SHCBP1L: variants seen among roughly 807,000 people sequenced by gnomAD.
The protein encoded by SHCBP1L is SHC binding and spindle associated 1 like.
SHCBP1L carries 67 observed loss-of-function variants against 62.5 expected under a neutral mutation model. The ratio of observed to expected loss-of-function variants is 1.07; its 90% confidence interval spans 0.88 to 1.31. SHCBP1L has a LOEUF of 1.31. SHCBP1L is among the 40% of genes most tolerant of loss of function. SHCBP1L has a pLI of 0.00. For synonymous variants in SHCBP1L, 284 were observed against 289.4 expected (o/e 0.98, Z 0.19); for missense variants, 823 against 809.8 (o/e 1.02, Z -0.20).
chr1:182,940,439 A>T lies in SHCBP1L; in HGVS notation c.660T>A (p.Val220=). Residue 220 remains valine, a synonymous_variant, in exon 3 of 10, where the codon GTT becomes GTA. Coordinates refer to ENST00000367547, the MANE Select transcript of SHCBP1L (RefSeq NM_030933.4). ...GTTCCAGTTCCTCCAAAATCTCATC[A>T]ACCAAATCTCTTGGAATATTTGCAA... is the stretch of plus-strand genomic sequence containing the variant. ...SNIANIPRDL[V]DEILEELEHS... 1.2e-6 allele frequency: 2 copies of T among 1,614,028 alleles called. No individual in the cohort carries two copies. The highest frequency in any genetic ancestry group is 2.2e-5 in the South Asian group (2 of 91,084).
intron 6 of SHCBP1L, among the ~76,000 whole-genome samples, chr1:182,928,501 A>C (rs1460396085): frequency 6.6e-6 from 1 of 152,202 alleles, no homozygotes; most frequent in Non-Finnish European, 1.5e-5. Flanking sequence ...AAGGTTGAGA[A>C]GGCCTTTTCC....
chr1:182,917,797 C>T (rs10911158), intron 6 of SHCBP1L, among the ~76,000 whole-genome samples: 1,811 of 152,154 alleles, frequency 0.012, 31 homozygotes, highest in African/African-American at 0.037. Context: ...TCTCTTTAAA[C>T]ACTTGCTCTC....
chr1:182,939,229 A>G lies in SHCBP1L; in HGVS notation c.1023T>C (p.Tyr341=). ...AEAVECWKKY[Y]EIVMLCGLLK... is the part of the protein sequence containing the mutation. ...GTAATCCACAGAGCATGACTATCTC[A>G]TAGTATTTTTTCCAGCATTCAACAG... is the stretch of plus-strand genomic sequence containing the variant. The change falls in exon 5 of 10, where the codon TAT becomes TAC. Residue 341 remains tyrosine (Y), a synonymous_variant. Transcript: ENST00000367547. 1.2e-6 allele frequency: 2 copies of G among 1,613,440 alleles called. No homozygotes were observed. The highest frequency in any genetic ancestry group is 2.2e-5 in the South Asian group (2 of 91,070).
chr1:182,903,149 C>T lies in SHCBP1L; in HGVS notation c.1600G>A (p.Glu534Lys), dbSNP rs745736171. Residue 534 changes from glutamate to lysine, a missense_variant, in exon 9 of 10, where the codon GAA becomes AAA. Glu to Lys is a moderately conservative substitution (Grantham distance 56). Coordinates refer to ENST00000367547, the MANE Select transcript of SHCBP1L (RefSeq NM_030933.4). ...ATAGCTATGCTTCCAGGATACAGTT[C>T]AACACCAGCACCCTGTAAATTAAAA... ...EITGAQGAGV[E>K]LYPGSIAILE... 6.3e-7 allele frequency: 1 copy of T among 1,589,222 alleles called. No individual in the cohort carries two copies. The highest frequency in any genetic ancestry group is 1.2e-5 in the South Asian group (1 of 86,384).
intron 9 of SHCBP1L, among the ~76,000 whole-genome samples, chr1:182,902,061 CTTTTTTTTT>C (rs1156301250): frequency 2.4e-5 from 3 of 127,576 alleles, no homozygotes; most frequent in Non-Finnish European, 5.0e-5. Context: ...CTTTTTTTTT[CTTTTTTTTT>C]TTTTTTTTGA....
At chr1:182,901,648 G>A (rs77907151) in intron 9 of SHCBP1L, among the ~76,000 whole-genome samples, 2,175 of 152,242 alleles carry the variant, frequency 0.014, 58 homozygotes, top group African/African-American at 0.05. Flanking sequence ...AAATTTTAAC[G>A]TATGTATATA....
intron 2 of SHCBP1L, among the ~76,000 whole-genome samples, chr1:182,946,406 CTT>C (rs879905765): frequency 4.2e-5 from 6 of 143,542 alleles, no homozygotes; most frequent in African/African-American, 2.5e-5. Flanking sequence ...ATCATTAAGT[CTT>C]TTTTTTTTTT....
chr1:182,950,428 C>G (rs1168961018), intron 2 of SHCBP1L: 1 of 152,014 alleles, frequency 6.6e-6, no homozygotes, highest in African/African-American at 2.4e-5. Context: ...GAGTTCGAGA[C>G]CAGTCTGGCC....
At position 182,904,340 on chromosome 1, in the gene SHCBP1L, T is replaced by C. The variant is rs765580510; in HGVS notation, c.1427A>G (p.His476Arg). ...VSKADNVKLM[H>R]LSLIQQGTVD... Reference sequence around the variant, plus strand: ...CGTCCCTTGTTGTATCAAAGATAGATGCATTAGTTTCACATTGTCAGCTTT... The same window carrying C: ...CGTCCCTTGTTGTATCAAAGATAGACGCATTAGTTTCACATTGTCAGCTTT... The change falls in exon 8 of 10, where the codon CAT becomes CGT. Residue 476 changes from histidine (H) to arginine (R), a missense_variant. Transcript: ENST00000367547. The C allele has an allele frequency of 2.2e-5, 35 of 1,614,068 alleles. No homozygotes were observed. The Admixed American group carries it at 5.8e-4, about 27-fold the overall frequency.
intron 2 of SHCBP1L, among the ~76,000 whole-genome samples, chr1:182,942,569 A>G (rs770795825): frequency 1.9e-4 from 29 of 152,226 alleles, no homozygotes; most frequent in Non-Finnish European, 3.5e-4. Context: ...ACAACATGCT[A>G]TATTGTTTAT....
chr1:182,947,612 C>T (rs1164008122), intron 2 of SHCBP1L, among the ~76,000 whole-genome samples: 3 of 152,172 alleles, frequency 2.0e-5, no homozygotes, highest in African/African-American at 7.2e-5. Flanking sequence ...GGACCAACTC[C>T]TCTTCTTCCT....
intron 9 of SHCBP1L, among the ~76,000 whole-genome samples, chr1:182,901,346 A>G (rs1571332892): frequency 6.6e-6 from 1 of 152,200 alleles, no homozygotes; most frequent in African/African-American, 2.4e-5. Flanking sequence ...AATCCCAGCT[A>G]CCTAGAAGGC....
chr1:182,917,201 A>T (rs977597579), intron 6 of SHCBP1L, among the ~76,000 whole-genome samples: 47 of 152,356 alleles, frequency 3.1e-4, no homozygotes, highest in African/African-American at 1.1e-3. Flanking sequence ...TTTGAATATA[A>T]ATGCAAAAAT....
chr1:182,914,466 A>G (rs1420976798), intron 6 of SHCBP1L, among the ~76,000 whole-genome samples: 1 of 152,228 alleles, frequency 6.6e-6, no homozygotes, highest in Admixed American at 6.5e-5. Context: ...TGGGGAAACA[A>G]TGTATAAAGA....
intron 6 of SHCBP1L, among the ~76,000 whole-genome samples, chr1:182,922,156 C>A (rs1381058250): frequency 6.6e-6 from 1 of 152,114 alleles, no homozygotes; most frequent in Non-Finnish European, 1.5e-5. Context: ...AAAATAAGTT[C>A]TTAGAAACCT....
At chr1:182,930,551 GTA>G (rs10536791) in intron 5 of SHCBP1L, among the ~76,000 whole-genome samples, 4,490 of 49,152 alleles carry the variant, frequency 0.091, 192 homozygotes, top group Non-Finnish European at 0.12. Flanking sequence ...TAGTGTGTGT[GTA>G]TATATATATA....
chr1:182,939,840 T>TAC (rs1027349681), intron 3 of SHCBP1L, among the ~76,000 whole-genome samples: 4 of 152,158 alleles, frequency 2.6e-5, no homozygotes, highest in African/African-American at 9.6e-5. Flanking sequence ...TGTAAGATAC[T>TAC]ACCAAATTTG....
chr1:182,927,456 A>G (rs1234388294), intron 6 of SHCBP1L, among the ~76,000 whole-genome samples: 1 of 152,126 alleles, frequency 6.6e-6, no homozygotes, highest in Non-Finnish European at 1.5e-5. Context: ...GCGGATCACG[A>G]GGTCAGGAGA....
intron 2 of SHCBP1L, 44 bp from the exon 3 acceptor site, chr1:182,940,587 T>G: frequency 2.0e-6 from 3 of 1,520,626 alleles, no homozygotes; most frequent in Non-Finnish European, 1.8e-6. Context: ...GTTATAAATA[T>G]CAGTAAACCG....
Sources: allele counts gnomAD v4.1 joint callset (sites outside exome capture counted in the v4.1 genomes callset), GRCh38; gene constraint gnomAD v4.1.1; transcripts MANE v1.5; gene names NCBI Gene and HGNC (gene_info 2026-07-23, HGNC 2026-07-21).